The following ZFP1 variants were observed in gnomAD, a reference collection of about 807,000 sequenced individuals.
ZFP1 encodes the protein zinc finger protein 1 homolog.
A neutral mutation model predicts 38.5 loss-of-function variants in ZFP1; 32 were observed. The observed-to-expected ratio is 0.83, with a 90% CI of 0.63 to 1.12. The LOEUF (loss-of-function observed/expected upper bound fraction) is 1.12, where lower values mean the gene tolerates loss of function less well. Among genes scored for constraint, ZFP1 ranks in the 50% most tolerant of loss-of-function variants. The pLI is 0.00. For synonymous variants in ZFP1, 245 were observed against 168.8 expected (o/e 1.45, Z -3.50); for missense variants, 616 against 480.8 (o/e 1.28, Z -2.63).
chr16:75,131,684 C>G, the ZFP1 span, among the ~76,000 whole-genome samples: 1 of 152,148 alleles, frequency 6.6e-6, no homozygotes, highest in South Asian at 2.1e-4. Flanking sequence ...TCTATCTTGT[C>G]CAGGCACAGC....
intron 2 of ZFP1, among the ~76,000 whole-genome samples, chr16:75,153,644 T>A (rs1698153821): frequency 6.6e-6 from 1 of 152,204 alleles, no homozygotes; most frequent in South Asian, 2.1e-4. Context: ...CCCAGTTTCC[T>A]TTATTATTAA....
the ZFP1 span, among the ~76,000 whole-genome samples, chr16:75,132,825 A>ATTT: frequency 7.4e-6 from 1 of 134,816 alleles, no homozygotes. Flanking sequence ...CATGGCTAGT[A>ATTT]TTTTTTTTTT....
In ZFP1 at chr16:75,172,003, T is replaced by C. The variant is rs747890974; in HGVS notation, c.*1669T>C. On this transcript the variant is annotated 3_prime_UTR_variant, in exon 4 of 4. Coordinates refer to ENST00000570010, the MANE Select transcript of ZFP1 (RefSeq NM_153688.4). ...TTAAGATTATATGTTTACTAATGTATATTGTATTTTTTGGTAAGGACCAAA... is the reference window on the plus strand; with the variant it reads ...TTAAGATTATATGTTTACTAATGTACATTGTATTTTTTGGTAAGGACCAAA... The C allele has an allele frequency of 4.6e-5, 7 of 152,204 alleles. No individual in the cohort carries two copies. The highest frequency in any genetic ancestry group is 9.7e-5 in the African/African-American group (4 of 41,444). The allele number at this position is 152,204 out of a possible 1,614,324, so 9.4% of individuals were successfully genotyped here. A position where few individuals can be genotyped will look rare whatever the true frequency, so the allele number is the denominator to read the frequency against.
intron 2 of ZFP1, among the ~76,000 whole-genome samples, chr16:75,156,770 G>T (rs1304066158): frequency 6.6e-6 from 1 of 152,226 alleles, no homozygotes; most frequent in Non-Finnish European, 1.5e-5. Context: ...GTAGATTAAA[G>T]CAGAACACTT....
chr16:75,170,480 G>A lies in ZFP1; in HGVS notation c.*146G>A, dbSNP rs1192691785. ...AAATGTATTAAAAATAGGATCCCAT[G>A]AGAACATTATACTGGAAGTTACATG... On this transcript the variant is annotated 3_prime_UTR_variant, in exon 4 of 4. Transcript: ENST00000570010. 8.2e-7 allele frequency: 1 copy of A among 1,220,892 alleles called. No individual in the cohort carries two copies. The highest frequency in any genetic ancestry group is 1.1e-6 in the Non-Finnish European group (1 of 927,110). The allele number at this position is 1,220,892 out of a possible 1,614,324, so 75.6% of individuals were successfully genotyped here.
Position 75,169,534 on chromosome 16 carries a change from C to G in ZFP1, c.424C>G (p.Leu142Val), listed in dbSNP as rs2038304133. 6.2e-7 allele frequency: 1 copy of G among 1,612,846 alleles called. No homozygotes were observed. The highest frequency in any genetic ancestry group is 1.7e-5 in the Admixed American group (1 of 59,662). The change falls in exon 4 of 4, where the codon CTC becomes GTC. Residue 142 changes from leucine (L) to valine (V), a missense_variant. Coordinates refer to ENST00000570010, the MANE Select transcript of ZFP1 (RefSeq NM_153688.4). ...GTGTAATGAATTTGGAAAAGCACTTCTCTACCTGAAGCAAGAGAAAACCCA... is the reference window on the plus strand; with the variant it reads ...GTGTAATGAATTTGGAAAAGCACTTGTCTACCTGAAGCAAGAGAAAACCCA... ...DECNEFGKAL[L>V]YLKQEKTHSG... is the part of the protein sequence containing the mutation.
chr16:75,141,943 A>T, the ZFP1 span, among the ~76,000 whole-genome samples: 1 of 151,504 alleles, frequency 6.6e-6, no homozygotes, highest in Admixed American at 6.6e-5. Flanking sequence ...AATCCCAGCT[A>T]CTTGAGAGAC....
the ZFP1 span, among the ~76,000 whole-genome samples, chr16:75,138,103 C>A: frequency 8.3e-6 from 1 of 120,902 alleles, no homozygotes. Context: ...GTGGTGTGAT[C>A]TTGGCTCACT....
intron 1 of ZFP1, among the ~76,000 whole-genome samples, chr16:75,149,592 C>A (rs2037080986): frequency 7.9e-6 from 1 of 126,976 alleles, no homozygotes; most frequent in Non-Finnish European, 1.6e-5. Flanking sequence ...CGGAGTCTCG[C>A]TCTGTCGTCC....
rs201350292 is a variant in ZFP1, at chr16:75,170,163, C to G, written c.1053C>G (p.Pro351=). The G allele has an allele frequency of 7.4e-6, 12 of 1,614,126 alleles. No homozygotes were observed. Among genetic ancestry groups the G allele is most frequent in the Middle Eastern group, 3.3e-4 (2 of 6,062 alleles). The change falls in exon 4 of 4, where the codon CCC becomes CCG. Residue 351 remains proline, a synonymous_variant. Coordinates refer to ENST00000570010, the MANE Select transcript of ZFP1 (RefSeq NM_153688.4). The part of the protein sequence containing the change: ...IHMRTHTGEK[P]YECTECGKTF... ...TGAGAACTCATACAGGAGAGAAACC[C>G]TATGAATGTACTGAGTGCGGCAAAA...
chr16:75,169,239 C>T lies in ZFP1; in HGVS notation c.143-14C>T, dbSNP rs755241742. On this transcript the variant is annotated splice_polypyrimidine_tract_variant and intron_variant, in intron 3 of 3. Transcript: ENST00000570010. ...CATTGACAAGGTTCTTTTCATTGTG[C>T]TCTCTATTCCTAGAAGTGTGGAAGG... The T allele has an allele frequency of 6.5e-5, 103 of 1,583,436 alleles. No individual in the cohort carries two copies. The highest frequency in any genetic ancestry group is 1.4e-5 in the African/African-American group (1 of 72,948).
chr16:75,127,589 G>A, the ZFP1 span, among the ~76,000 whole-genome samples: 1 of 152,146 alleles, frequency 6.6e-6, no homozygotes, highest in Admixed American at 6.5e-5. Flanking sequence ...CCAAAGTGCT[G>A]AAATTATAGG....
chr16:75,156,459 A>AAAAAGAAAAG (rs59284550), intron 2 of ZFP1, among the ~76,000 whole-genome samples: 6 of 150,970 alleles, frequency 4.0e-5, no homozygotes, highest in South Asian at 2.1e-4. Flanking sequence ...TCTGTCTCAG[A>AAAAAGAAAAG]AAAAGAAAAG....
At chr16:75,124,611 A>G in the ZFP1 span, among the ~76,000 whole-genome samples, 19 of 150,218 alleles carry the variant, frequency 1.3e-4, no homozygotes, top group Non-Finnish European at 2.7e-4. Context: ...GTGAAACCCC[A>G]TCTCTACTAA....
chr16:75,167,557 A>G (rs2038164128), intron 3 of ZFP1, among the ~76,000 whole-genome samples: 1 of 152,066 alleles, frequency 6.6e-6, no homozygotes, highest in African/African-American at 2.4e-5. Context: ...CTTTGCTATT[A>G]TGCATAGTGC....
In ZFP1 at chr16:75,169,792, A is replaced by G. The variant is rs763598079; in HGVS notation, c.682A>G (p.Ile228Val). ...AACCTTCTCCCATAAGGCCAACCTC[A>G]TCAAACATCAGAGAATTCACACTGG... The part of the protein sequence containing the change: ...KKTFSHKANL[I>V]KHQRIHTGEK... The change falls in exon 4 of 4, where the codon ATC becomes GTC. Residue 228 changes from isoleucine to valine, a missense_variant. Coordinates refer to ENST00000570010, the MANE Select transcript of ZFP1 (RefSeq NM_153688.4). 24 of 1,613,766 alleles carry G rather than the reference A, an allele frequency of 1.5e-5. No individual in the cohort carries two copies. Among genetic ancestry groups the G allele is most frequent in the Non-Finnish European group, 2.0e-5 (24 of 1,179,680 alleles).
the ZFP1 span, among the ~76,000 whole-genome samples, chr16:75,131,573 A>C: frequency 6.6e-6 from 1 of 150,688 alleles, no homozygotes; most frequent in South Asian, 2.1e-4. Context: ...CTGGGTACAC[A>C]CTCCCCTCTC....
intron 2 of ZFP1, among the ~76,000 whole-genome samples, chr16:75,155,712 C>G (rs1027062138): frequency 2.6e-5 from 4 of 152,156 alleles, no homozygotes; most frequent in Non-Finnish European, 4.4e-5. Context: ...CTGATTGAAT[C>G]CACCTAGTAG....
In ZFP1 at chr16:75,169,752, C is replaced by T. The variant is rs781368613; in HGVS notation, c.642C>T (p.Cys214=). 2.5e-6 allele frequency: 4 copies of T among 1,613,174 alleles called. No individual in the cohort carries two copies. Among genetic ancestry groups the T allele is most frequent in the Admixed American group, 3.3e-5 (2 of 59,782 alleles). ...ATACTGGAGAAAAGCCATATGAATGCAATGTATGTAAGAAAACCTTCTCCC... is the reference window on the plus strand; with the variant it reads ...ATACTGGAGAAAAGCCATATGAATGTAATGTATGTAAGAAAACCTTCTCCC... The part of the protein sequence containing the change: ...RIHTGEKPYE[C]NVCKKTFSHK... Residue 214 remains cysteine, a synonymous_variant, in exon 4 of 4, where the codon TGC becomes TGT. Transcript: ENST00000570010.
Sources: gnomAD v4.1 joint callset for allele counts (sites outside exome capture counted in the v4.1 genomes callset) on GRCh38, gnomAD v4.1.1 for gene constraint, MANE v1.5 for transcripts, NCBI Gene and HGNC (gene_info 2026-07-23, HGNC 2026-07-21) for gene names.